Variants in PARD3 observed in about 807,000 individuals in gnomAD.
PARD3 encodes the protein partitioning defective 3 homolog.
In PARD3, 75 loss-of-function variants were observed where a neutral mutation model predicts 155.4. The observed-to-expected ratio is 0.48, with a 90% CI of 0.40 to 0.58. The LOEUF (loss-of-function observed/expected upper bound fraction) is 0.58. Among genes scored for constraint, PARD3 ranks in the 20% least tolerant of loss-of-function variants. The pLI is 0.00. For missense variants in PARD3, 1,642 were observed against 1,721.7 expected, an observed-to-expected ratio of 0.95 and a Z score of 0.82; for synonymous variants, 576 against 610.5, an observed-to-expected ratio of 0.94 and a Z score of 0.83.
intron 5 of PARD3, among the ~76,000 whole-genome samples, chr10:34,418,219 G>A (rs908755783): frequency 2.6e-5 from 4 of 151,988 alleles, no homozygotes; most frequent in African/African-American, 9.7e-5. Flanking sequence ...TCTATCGCCC[G>A]ACTGGAGTGC....
intron 22 of PARD3, among the ~76,000 whole-genome samples, chr10:34,132,588 T>C (rs1947671204): frequency 6.6e-6 from 1 of 152,150 alleles, no homozygotes; most frequent in South Asian, 2.1e-4. Context: ...ATGACCAAAA[T>C]TAAATCAATC....
intron 1 of PARD3, among the ~76,000 whole-genome samples, chr10:34,736,404 C>T (rs1281634683): frequency 6.7e-6 from 1 of 149,196 alleles, no homozygotes; most frequent in East Asian, 2.1e-4. Flanking sequence ...TCACAGCTCA[C>T]TGCAGCCTCA....
rs926120531 is a variant in PARD3 at position 34,210,877 on chromosome 10, G to A, written c.3419+58780C>T. ...ACAGTGTGGTGGTAAGGGGTTGGCT[G>A]CACACTCTCCTATGACCCTGTGCCC... On this transcript the variant is annotated intron_variant, in intron 22 of 24. Coordinates refer to ENST00000374788, the MANE Select transcript of PARD3 (RefSeq NM_001184785.2). Among the ~76,000 whole-genome samples the A allele has an allele frequency of 3.2e-4, 48 of 152,162 alleles. 1 individual carries two copies. Among genetic ancestry groups the A allele is most frequent in the African/African-American group, 1.1e-3 (46 of 41,438 alleles).
intron 22 of PARD3, among the ~76,000 whole-genome samples, chr10:34,152,934 G>A (rs921994111): frequency 5.9e-5 from 9 of 152,182 alleles, no homozygotes; most frequent in Admixed American, 5.9e-4. Context: ...CTTTACTGAT[G>A]AGGAAACTGA....
intron 1 of PARD3, among the ~76,000 whole-genome samples, chr10:34,703,579 T>A (rs1160954050): frequency 6.6e-6 from 1 of 151,644 alleles, no homozygotes; most frequent in Non-Finnish European, 1.5e-5. Context: ...AACAGAGAAA[T>A]AACCAAAAAC....
intron 2 of PARD3, among the ~76,000 whole-genome samples, chr10:34,592,883 A>T (rs1285360119): frequency 1.3e-5 from 2 of 152,240 alleles, no homozygotes; most frequent in African/African-American, 4.8e-5. Context: ...CCATTCAACT[A>T]GACCTCCCCA....
At chr10:34,128,114 T>A (rs1564414861) in intron 23 of PARD3, among the ~76,000 whole-genome samples, 2 of 152,192 alleles carry the variant, frequency 1.3e-5, no homozygotes, top group African/African-American at 4.8e-5. Flanking sequence ...CATGAGGTGC[T>A]TTTACACCTG....
chr10:34,655,842 C>A (rs1333447824), intron 2 of PARD3, among the ~76,000 whole-genome samples: 1 of 151,978 alleles, frequency 6.6e-6, no homozygotes, highest in Non-Finnish European at 1.5e-5. Context: ...CACAAACAAG[C>A]CACAAAATGG....
chr10:34,347,867 T>G, intron 15 of PARD3, 98 bp downstream of exon 15: 1 of 827,836 alleles, frequency 1.2e-6, no homozygotes, highest in African/African-American at 1.8e-5. Flanking sequence ...TACATTAATA[T>G]TACACTAATA....
chr10:34,369,919 C>T (rs10763984), intron 12 of PARD3, among the ~76,000 whole-genome samples: 90,160 of 152,036 alleles, frequency 0.59, 28,778 homozygotes, highest in African/African-American at 0.85. Flanking sequence ...AAGCCTATCA[C>T]GGAGTTTTCC....
chr10:34,747,763 T>G (rs923227098), intron 1 of PARD3, among the ~76,000 whole-genome samples: 36 of 152,210 alleles, frequency 2.4e-4, no homozygotes, highest in Non-Finnish European at 3.5e-4. Flanking sequence ...TGTTGAAACA[T>G]GTTCACATAC....
At chr10:34,426,890 C>CA (rs2075636835) in intron 5 of PARD3, among the ~76,000 whole-genome samples, 1 of 152,168 alleles carries the variant, frequency 6.6e-6, no homozygotes, top group Admixed American at 6.5e-5. Context: ...ATTAGTTCCC[C>CA]AAATTAATAC....
intron 1 of PARD3, among the ~76,000 whole-genome samples, chr10:34,746,968 C>G (rs1346938099): frequency 1.3e-5 from 2 of 152,126 alleles, no homozygotes; most frequent in African/African-American, 2.4e-5. Flanking sequence ...TTCTGCTCCT[C>G]GACCCTTCCC....
intron 2 of PARD3, among the ~76,000 whole-genome samples, chr10:34,688,925 TC>T (rs1564510515): frequency 6.6e-6 from 1 of 152,178 alleles, no homozygotes; most frequent in African/African-American, 2.4e-5. Flanking sequence ...AAGAGCATCT[TC>T]CCTGCTACAG....
At chr10:34,531,861 A>T (rs902932224) in intron 2 of PARD3, among the ~76,000 whole-genome samples, 2 of 152,226 alleles carry the variant, frequency 1.3e-5, no homozygotes, top group African/African-American at 4.8e-5. Context: ...AAAATGCATG[A>T]GAACCAAGAG....
intron 5 of PARD3, among the ~76,000 whole-genome samples, chr10:34,441,447 T>C (rs2076456653): frequency 6.6e-6 from 1 of 152,210 alleles, no homozygotes; most frequent in Non-Finnish European, 1.5e-5. Context: ...TTTATTTCTA[T>C]ATAACCAGTC....
At chr10:34,245,713 G>A (rs1001239356) in intron 22 of PARD3, among the ~76,000 whole-genome samples, 1 of 152,226 alleles carries the variant, frequency 6.6e-6, no homozygotes, top group Non-Finnish European at 1.5e-5. Flanking sequence ...GGAGAAGCAA[G>A]AAGAGCACAG....
chr10:34,270,257 C>T (rs779306946), intron 21 of PARD3, among the ~76,000 whole-genome samples: 1 of 151,804 alleles, frequency 6.6e-6, no homozygotes, highest in Non-Finnish European at 1.5e-5. Context: ...ATTCTTGTGC[C>T]CTAGCCTGCC....
intron 2 of PARD3, among the ~76,000 whole-genome samples, chr10:34,535,161 C>G (rs926222838): frequency 3.9e-5 from 6 of 152,100 alleles, no homozygotes; most frequent in Non-Finnish European, 8.8e-5. Flanking sequence ...TTGAATATTC[C>G]TACGTTTTAA....
Sources: allele counts gnomAD v4.1 joint callset (sites outside exome capture counted in the v4.1 genomes callset), GRCh38; gene constraint gnomAD v4.1.1; transcripts MANE v1.5; gene names NCBI Gene and HGNC (gene_info 2026-07-23, HGNC 2026-07-21).